Variants in WWOX observed in about 807,000 individuals in gnomAD.
WWOX encodes the protein WW domain containing oxidoreductase, also known as WW domain-containing oxidoreductase.
Under a neutral mutation model 46.2 loss-of-function variants are expected in WWOX, and 69 were observed. The observed-to-expected ratio is 1.49, with a 90% CI of 1.23 to 1.82. The LOEUF (loss-of-function observed/expected upper bound fraction) is 1.82, where lower values mean the gene tolerates loss of function less well. Ranked by LOEUF, WWOX falls within the 40% of genes most tolerant of loss-of-function variation. The pLI is 0.00. For missense variants in WWOX, 919 were observed against 542.6 expected, an observed-to-expected ratio of 1.69 and a Z score of -6.89; for synonymous variants, 359 against 202.6, an observed-to-expected ratio of 1.77 and a Z score of -6.56.
At chr16:78,173,412 C>A (rs560323582) in intron 5 of WWOX, among the ~76,000 whole-genome samples, 3 of 152,058 alleles carry the variant, frequency 2.0e-5, no homozygotes, top group African/African-American at 7.2e-5. Context: ...TCTCTGCCTC[C>A]TGAGTAGCTG....
chr16:78,272,945 G>T (rs898137359), intron 5 of WWOX, among the ~76,000 whole-genome samples: 6 of 151,986 alleles, frequency 3.9e-5, no homozygotes, highest in African/African-American at 9.7e-5. Context: ...TTGTCATTAG[G>T]GTCTCATTTC....
At chr16:78,566,022 C>G (rs2044555813) in intron 8 of WWOX, among the ~76,000 whole-genome samples, 1 of 152,030 alleles carries the variant, frequency 6.6e-6, no homozygotes, top group Admixed American at 6.5e-5. Context: ...CTCTATTCCT[C>G]ACAGTCTAGA....
intron 8 of WWOX, among the ~76,000 whole-genome samples, chr16:78,626,687 C>G (rs781465316): frequency 7.9e-5 from 12 of 152,060 alleles, no homozygotes; most frequent in South Asian, 4.2e-4. Context: ...GTGCCCAGCT[C>G]ATGCTTGTGG....
At chr16:78,801,591 T>C (rs1340597214) in intron 8 of WWOX, among the ~76,000 whole-genome samples, 1 of 152,198 alleles carries the variant, frequency 6.6e-6, no homozygotes, top group Non-Finnish European at 1.5e-5. Context: ...AAGTCCTTAC[T>C]GGGCAAATTT....
chr16:78,820,605 T>C (rs1226497849), intron 8 of WWOX, among the ~76,000 whole-genome samples: 7 of 152,126 alleles, frequency 4.6e-5, no homozygotes, highest in Non-Finnish European at 1.5e-5. Flanking sequence ...AATGACAACC[T>C]TGGTGAAAGC....
At chr16:79,095,456 A>G (rs1474058367) in intron 8 of WWOX, among the ~76,000 whole-genome samples, 1 of 152,200 alleles carries the variant, frequency 6.6e-6, no homozygotes, top group Non-Finnish European at 1.5e-5. Flanking sequence ...AGGCAGCAGA[A>G]GAGGTGGGGG....
At chr16:78,731,027 C>G (rs770018271) in intron 8 of WWOX, among the ~76,000 whole-genome samples, 4 of 152,144 alleles carry the variant, frequency 2.6e-5, no homozygotes, top group Non-Finnish European at 5.9e-5. Flanking sequence ...TGTTACCGTA[C>G]TATCCAACAC....
chr16:78,529,213 C>A (rs2043559523), intron 8 of WWOX, among the ~76,000 whole-genome samples: 1 of 152,048 alleles, frequency 6.6e-6, no homozygotes, highest in South Asian at 2.1e-4. Flanking sequence ...CCTCAGCCTC[C>A]CAAAATGCCG....
At chr16:79,026,255 C>T (rs17712535) in intron 8 of WWOX, among the ~76,000 whole-genome samples, 9,812 of 151,850 alleles carry the variant, frequency 0.065, 443 homozygotes, top group Middle Eastern at 0.14. Context: ...GTGCTTTAGT[C>T]ACCCTACCCT....
intron 5 of WWOX, among the ~76,000 whole-genome samples, chr16:78,332,814 A>C (rs1285177410): frequency 6.6e-6 from 1 of 152,082 alleles, no homozygotes; most frequent in Admixed American, 6.6e-5. Context: ...TATTAGCCCC[A>C]TTTTGCAAAT....
At chr16:78,463,022 C>A (rs1041460285) in intron 8 of WWOX, among the ~76,000 whole-genome samples, 1 of 152,194 alleles carries the variant, frequency 6.6e-6, no homozygotes, top group Non-Finnish European at 1.5e-5. Flanking sequence ...TTTATGCACA[C>A]TGGCTTTGAG....
At chr16:78,785,417 CG>C (rs1434645129) in intron 8 of WWOX, among the ~76,000 whole-genome samples, 1 of 152,200 alleles carries the variant, frequency 6.6e-6, no homozygotes, top group Non-Finnish European at 1.5e-5. Context: ...CAACACACAT[CG>C]GCAGCCAGTG....
intron 8 of WWOX, among the ~76,000 whole-genome samples, chr16:78,789,398 A>C (rs2050538630): frequency 6.6e-6 from 1 of 152,214 alleles, no homozygotes; most frequent in African/African-American, 2.4e-5. Flanking sequence ...CATTGATTAA[A>C]AAAGATAATT....
chr16:78,603,089 GTTTA>G (rs1337484387), intron 8 of WWOX, among the ~76,000 whole-genome samples: 1 of 152,168 alleles, frequency 6.6e-6, no homozygotes, highest in Non-Finnish European at 1.5e-5. Context: ...TGTTTTATTT[GTTTA>G]TTTATTTTTC....
chr16:78,163,944 G>C (rs1008410049), intron 4 of WWOX, among the ~76,000 whole-genome samples: 1 of 152,092 alleles, frequency 6.6e-6, no homozygotes, highest in African/African-American at 2.4e-5. Context: ...GGGCTGCCCT[G>C]TTCATGGTAA....
intron 8 of WWOX, among the ~76,000 whole-genome samples, chr16:79,057,243 A>C (rs931905670): frequency 2.6e-5 from 4 of 152,176 alleles, no homozygotes; most frequent in Non-Finnish European, 4.4e-5. Flanking sequence ...ATACATCACC[A>C]GTCTTCCAAT....
intron 5 of WWOX, among the ~76,000 whole-genome samples, chr16:78,355,290 T>C (rs1331277133): frequency 6.6e-6 from 1 of 152,110 alleles, no homozygotes. Context: ...TATACGTATA[T>C]GTATGTGTAT....
chr16:79,165,895 T>G (rs2050584961), intron 8 of WWOX, among the ~76,000 whole-genome samples: 1 of 152,200 alleles, frequency 6.6e-6, no homozygotes, highest in Non-Finnish European at 1.5e-5. Context: ...ATTACCTTCA[T>G]AACCAAGGTC....
chr16:79,106,696 G>GCTCAAGCAACTCTCCTGC (rs1338378779), intron 8 of WWOX: 1 of 146,010 alleles, frequency 6.8e-6, no homozygotes, highest in Non-Finnish European at 1.5e-5. Context: ...AAACTCTTGG[G>GCTCAAGCAACTCTCCTGC]CTCAAGCAAC....
Sources: gnomAD v4.1 joint callset for allele counts (sites outside exome capture counted in the v4.1 genomes callset) on GRCh38, gnomAD v4.1.1 for gene constraint, MANE v1.5 for transcripts, NCBI Gene and HGNC (gene_info 2026-07-23, HGNC 2026-07-21) for gene names.